Variants in RTN4RL1 observed in about 807,000 individuals in gnomAD.
RTN4RL1 encodes the protein reticulon 4 receptor like 1, also known as reticulon-4 receptor-like 1.
Under a neutral mutation model 25.6 loss-of-function variants are expected in RTN4RL1, and 7 were observed. The observed-to-expected ratio is 0.27, with a 90% CI of 0.16 to 0.51. The LOEUF is 0.51. Ranked by LOEUF, RTN4RL1 falls within the 20% of genes least tolerant of loss-of-function variation. The probability of loss-of-function intolerance (pLI) is 0.97; values close to 1 mark genes in which losing one functional copy is unlikely to be tolerated. For synonymous variants in RTN4RL1, 297 were observed against 288.2 expected, an observed-to-expected ratio of 1.03 and a Z score of -0.31; for missense variants, 500 against 615.6, an observed-to-expected ratio of 0.81 and a Z score of 1.99.
chr17:1,943,913 G>C (rs569003500), intron 1 of RTN4RL1, among the ~76,000 whole-genome samples: 1 of 150,132 alleles, frequency 6.7e-6, no homozygotes, highest in East Asian at 2.0e-4. Flanking sequence ...TGGAGCCAGA[G>C]AGACCTGAGT....
chr17:1,944,525 G>A (rs1490888009), intron 1 of RTN4RL1, among the ~76,000 whole-genome samples: 7 of 151,960 alleles, frequency 4.6e-5, no homozygotes, highest in South Asian at 2.1e-4. Context: ...GTGCGATCTC[G>A]GCTCACTGCA....
At chr17:1,973,022 A>G (rs73290061) in intron 1 of RTN4RL1, among the ~76,000 whole-genome samples, 1,836 of 152,314 alleles carry the variant, frequency 0.012, 41 homozygotes, top group African/African-American at 0.041. Flanking sequence ...CTCAGTGGAT[A>G]CCATGTTGCA....
chr17:1,970,941 C>T (rs116861083), intron 1 of RTN4RL1, among the ~76,000 whole-genome samples: 4,307 of 152,284 alleles, frequency 0.028, 91 homozygotes, highest in Non-Finnish European at 0.043. Context: ...TACACATAAT[C>T]ACTCACACTT....
At chr17:1,974,040 G>GGAAAAAA (rs1156802242) in intron 1 of RTN4RL1, among the ~76,000 whole-genome samples, 1 of 97,048 alleles carries the variant, frequency 1.0e-5, no homozygotes, top group African/African-American at 4.0e-5. Context: ...CTCCGTCTCA[G>GGAAAAAA]AAAAAAAAAA....
At chr17:1,940,939 A>C (rs1329368633) in intron 1 of RTN4RL1, among the ~76,000 whole-genome samples, 2 of 152,136 alleles carry the variant, frequency 1.3e-5, no homozygotes, top group African/African-American at 2.4e-5. Context: ...TGCAAAGACA[A>C]AGCCATTTCG....
intron 1 of RTN4RL1, among the ~76,000 whole-genome samples, chr17:1,964,046 GGGAGGA>G (rs528027299): frequency 1.7e-3 from 261 of 152,206 alleles, no homozygotes; most frequent in African/African-American, 5.8e-3. Flanking sequence ...AGTTCTAATG[GGGAGGA>G]GGTCCTGGAG....
intron 1 of RTN4RL1, among the ~76,000 whole-genome samples, chr17:1,942,307 G>A (rs796578801): frequency 3.3e-5 from 5 of 152,062 alleles, no homozygotes; most frequent in Non-Finnish European, 7.4e-5. Flanking sequence ...TTCAACACTT[G>A]CTGCCTGAGC....
At chr17:1,966,812 G>A (rs933949770) in intron 1 of RTN4RL1, among the ~76,000 whole-genome samples, 10 of 152,060 alleles carry the variant, frequency 6.6e-5, no homozygotes, top group African/African-American at 2.2e-4. Flanking sequence ...ACCTAGTTCC[G>A]GCATTGCCAC....
chr17:1,984,979 G>T (rs901819713), intron 1 of RTN4RL1, among the ~76,000 whole-genome samples: 1 of 150,982 alleles, frequency 6.6e-6, no homozygotes, highest in African/African-American at 2.4e-5. Context: ...AAAAAAAAAA[G>T]AAAAAAGAAA....
chr17:2,016,700 G>A (rs537511810), intron 1 of RTN4RL1, among the ~76,000 whole-genome samples: 16 of 152,348 alleles, frequency 1.1e-4, no homozygotes, highest in South Asian at 1.0e-3. Flanking sequence ...AGCGACAGGC[G>A]GCAGCAGGCG....
At chr17:1,968,882 C>T (rs138052706) in intron 1 of RTN4RL1, among the ~76,000 whole-genome samples, 229 of 152,258 alleles carry the variant, frequency 1.5e-3, no homozygotes, top group African/African-American at 4.5e-3. Context: ...TATCTATCGC[C>T]GAGTGACAGA....
At chr17:2,018,548 G>C (rs886442267) in intron 1 of RTN4RL1, among the ~76,000 whole-genome samples, 1 of 152,180 alleles carries the variant, frequency 6.6e-6, no homozygotes. Context: ...AATCAGCAGC[G>C]CCCAGCGCCC....
At chr17:1,957,124 T>C (rs1358002164) in intron 1 of RTN4RL1, among the ~76,000 whole-genome samples, 1 of 152,232 alleles carries the variant, frequency 6.6e-6, no homozygotes, top group African/African-American at 2.4e-5. Context: ...AACGTTGGAA[T>C]GAACATCTTT....
At chr17:2,001,152 G>C (rs746519333) in intron 1 of RTN4RL1, among the ~76,000 whole-genome samples, 2 of 150,834 alleles carry the variant, frequency 1.3e-5, no homozygotes, top group Non-Finnish European at 2.9e-5. Flanking sequence ...CTCCCAAAGT[G>C]CTGGGATTAC....
In RTN4RL1 at chr17:1,966,779, A is replaced by C. The variant is rs139242001; in HGVS notation, c.14-28971T>G. ...ATCCTGTGATGGGAATGGAGCCACT[A>C]CTGGTTCCTGGTTTAACATTTTACC... On this transcript the variant is annotated intron_variant, in intron 1 of 1. Coordinates refer to ENST00000331238, the MANE Select transcript of RTN4RL1 (RefSeq NM_178568.4). Among the ~76,000 whole-genome samples the C allele has an allele frequency of 6.8e-3, 1,028 of 152,110 alleles. 9 individuals are homozygous for C. The highest frequency in any genetic ancestry group is 0.023 in the African/African-American group (947 of 41,484).
chr17:1,976,537 G>A (rs2066843440), intron 1 of RTN4RL1, among the ~76,000 whole-genome samples: 1 of 152,256 alleles, frequency 6.6e-6, no homozygotes, highest in Non-Finnish European at 1.5e-5. Context: ...CTCAGCAGCA[G>A]TGTGACTTTG....
At chr17:2,000,443 A>G (rs919255995) in intron 1 of RTN4RL1, among the ~76,000 whole-genome samples, 3 of 151,992 alleles carry the variant, frequency 2.0e-5, no homozygotes, top group African/African-American at 7.3e-5. Flanking sequence ...CCTGGGTTCT[A>G]GCGATTCTCA....
intron 1 of RTN4RL1, among the ~76,000 whole-genome samples, chr17:1,942,201 G>A (rs994345519): frequency 2.0e-5 from 3 of 152,148 alleles, no homozygotes; most frequent in East Asian, 1.9e-4. Context: ...CCAGGGGCAC[G>A]TGCTCGGCTG....
At chr17:2,000,692 G>C (rs985257697) in intron 1 of RTN4RL1, among the ~76,000 whole-genome samples, 1 of 151,610 alleles carries the variant, frequency 6.6e-6, no homozygotes, top group African/African-American at 2.4e-5. Flanking sequence ...GCTAATTTTT[G>C]TATTTTTAGT....
Sources: gnomAD v4.1 joint callset for allele counts (sites outside exome capture counted in the v4.1 genomes callset) on GRCh38, gnomAD v4.1.1 for gene constraint, MANE v1.5 for transcripts, NCBI Gene and HGNC (gene_info 2026-07-23, HGNC 2026-07-21) for gene names.